BOP1: variants seen among roughly 807,000 people sequenced by gnomAD.
The protein encoded by BOP1 is ribosome biogenesis protein BOP1.
A neutral mutation model predicts 82.9 loss-of-function variants in BOP1; 54 were observed. That is an observed-to-expected ratio of 0.65 (90% CI 0.52 to 0.82). The LOEUF (loss-of-function observed/expected upper bound fraction) is 0.82. BOP1 is among the 40% of genes least tolerant of loss of function. BOP1 has a pLI of 0.00. For synonymous variants in BOP1, 566 were observed against 451.1 expected (o/e 1.25, Z -3.23); for missense variants, 1,170 against 1,072.0 (o/e 1.09, Z -1.28).
At chr8:144,283,697 A>C (rs1034809521) in intron 2 of BOP1, among the ~76,000 whole-genome samples, 3 of 152,230 alleles carry the variant, frequency 2.0e-5, no homozygotes, top group Admixed American at 2.0e-4. Flanking sequence ...ACATCACTAA[A>C]CAAGAGGAAA....
In BOP1 at chr8:144,262,388, G is replaced by A; in HGVS notation, c.2087+8C>T. 2 of 1,612,630 alleles carry A rather than the reference G, an allele frequency of 1.2e-6. No homozygotes were observed. The highest frequency in any genetic ancestry group is 1.7e-6 in the Non-Finnish European group (2 of 1,179,776). ...CTGGGGAGGGGGCCAGGCAGGGTCAGCACTCACTTGTACACCATGCCATGG... is the reference window on the plus strand; with the variant it reads ...CTGGGGAGGGGGCCAGGCAGGGTCAACACTCACTTGTACACCATGCCATGG... On this transcript the variant is annotated splice_region_variant and intron_variant, in intron 15 of 15. Coordinates refer to ENST00000569669, the MANE Select transcript of BOP1 (RefSeq NM_015201.5).
chr8:144,283,223 A>AAAAAAAAAAAAAAG (rs1814767939), intron 2 of BOP1, among the ~76,000 whole-genome samples: 1 of 147,694 alleles, frequency 6.8e-6, no homozygotes, highest in African/African-American at 2.5e-5. Flanking sequence ...AAAAAAAAAA[A>AAAAAAAAAAAAAAG]AAGAAAGGCT....
At chr8:144,279,964 C>T (rs996509945) in intron 2 of BOP1, among the ~76,000 whole-genome samples, 2 of 152,296 alleles carry the variant, frequency 1.3e-5, no homozygotes, top group African/African-American at 2.4e-5. Flanking sequence ...AGCTGAGTGT[C>T]GATCTTCCTC....
chr8:144,264,205 C>T lies in BOP1; in HGVS notation c.978+20G>A. On this transcript the variant is annotated intron_variant, in intron 7 of 15. Transcript: ENST00000569669. ...GGGAAGCATGGGGACAGGGTCCCGG[C>T]CCCCAGGATGCAGGCCCACCTCCTC... The T allele has an allele frequency of 6.2e-7, 1 of 1,606,858 alleles. No individual in the cohort carries two copies. Among genetic ancestry groups the T allele is most frequent in the Non-Finnish European group, 8.5e-7 (1 of 1,177,670 alleles).
intron 2 of BOP1, among the ~76,000 whole-genome samples, chr8:144,279,904 C>T (rs1053044230): frequency 1.3e-5 from 2 of 152,016 alleles, no homozygotes; most frequent in African/African-American, 2.4e-5. Flanking sequence ...ACAAGAGGCC[C>T]GGCTGTGCTC....
In BOP1 at chr8:144,264,536, G is replaced by A. The variant is rs1417799240; in HGVS notation, c.744C>T (p.Pro248=). The A allele has an allele frequency of 1.2e-6, 2 of 1,610,454 alleles. No individual in the cohort carries two copies. Among genetic ancestry groups the A allele is most frequent in the Non-Finnish European group, 1.7e-6 (2 of 1,179,166 alleles). ...CCACCTTCTCCTTCTCCACCAGGGA[G>A]GGGATGAAGCTGCGCTTGTCGGCCG... ...NRPADKRSFI[P]SLVEKEKVSR... is the part of the protein sequence containing the mutation. Residue 248 remains proline, a synonymous_variant, in exon 6 of 16, where the codon CCC becomes CCT. Transcript: ENST00000569669.
intron 3 of BOP1, among the ~76,000 whole-genome samples, chr8:144,271,891 C>G (rs1845498194): frequency 6.6e-6 from 1 of 152,168 alleles, no homozygotes; most frequent in Non-Finnish European, 1.5e-5. Flanking sequence ...ACCTCCACCA[C>G]TGGAGAGAAG....
At chr8:144,266,468 T>C in intron 3 of BOP1, 5 of 979,702 alleles carry the variant, frequency 5.1e-6, no homozygotes, top group Non-Finnish European at 6.1e-6. Context: ...GGGACGCACA[T>C]GTGCGCGCGA....
intron 3 of BOP1, chr8:144,268,118 CAGAA>C (rs1845421923): frequency 3.2e-6 from 5 of 1,551,486 alleles, no homozygotes; most frequent in East Asian, 2.4e-5. Flanking sequence ...AGGACCGCGA[CAGAA>C]AGACAGCGAT....
chr8:144,275,575 C>G (rs1554838229), intron 3 of BOP1, among the ~76,000 whole-genome samples: 22 of 152,282 alleles, frequency 1.4e-4, no homozygotes, highest in African/African-American at 4.1e-4. Flanking sequence ...TCCCCCTTCG[C>G]CTGCAAGCTC....
Position 144,262,591 on chromosome 8 carries a change from A to C in BOP1, c.1976T>G (p.Leu659Arg), listed in dbSNP as rs1360542857. 1.9e-6 allele frequency: 3 copies of C among 1,613,222 alleles called. No homozygotes were observed. The highest frequency in any genetic ancestry group is 3.3e-4 in the Middle Eastern group (2 of 6,078). The change falls in exon 14 of 16, where the codon CTG becomes CGG. Residue 659 changes from leucine to arginine, a missense_variant. Coordinates refer to ENST00000569669, the MANE Select transcript of BOP1 (RefSeq NM_015201.5). ...CTCCACCCCCAGCTTTCCTCACCTCAGCATCCTGTATGGCTTGGTGGAAAG... is the reference window on the plus strand; with the variant it reads ...CTCCACCCCCAGCTTTCCTCACCTCCGCATCCTGTATGGCTTGGTGGAAAG... ...LDLSTKPYRM[L>R]RHHKKALRAV...
Position 144,263,300 on chromosome 8 carries a change from G to C in BOP1, c.1526C>G (p.Pro509Arg). ...LSAFVPPEEP[P>R]LQPARWLEAS... ...CTCCAGCCAGCGGGCCGGCTGCAAGGGGGGCTCCTCAGGCGGGACGAAGGC... is the reference window on the plus strand; with the variant it reads ...CTCCAGCCAGCGGGCCGGCTGCAAGCGGGGCTCCTCAGGCGGGACGAAGGC... Residue 509 changes from proline (P) to arginine (R), a missense_variant, in exon 12 of 16, where the codon CCC (proline) becomes CGC (arginine). By Grantham distance (103) the Pro-to-Arg change is moderately radical. Transcript: ENST00000569669. The C allele has an allele frequency of 2.5e-6, 4 of 1,594,292 alleles. No individual in the cohort carries two copies. In the Admixed American group the frequency reaches 5.0e-5, roughly 20 times the overall value.
intron 13 of BOP1, 44 bp downstream of exon 13, chr8:144,262,803 GCCCCCC>G (rs782463241): frequency 4.7e-6 from 2 of 424,956 alleles, no homozygotes; most frequent in Non-Finnish European, 3.8e-6. Flanking sequence ...AGGGTACACC[GCCCCCC>G]CCCCCACCCC....
chr8:144,275,259 G>C (rs1845551153), intron 3 of BOP1, among the ~76,000 whole-genome samples: 1 of 152,142 alleles, frequency 6.6e-6, no homozygotes, highest in African/African-American at 2.4e-5. Context: ...TCACACCCAG[G>C]TGCTCCACTG....
At position 144,264,803 on chromosome 8, in the gene BOP1, G is replaced by T; in HGVS notation, c.574C>A (p.Arg192=). ...WRTVQDPMTG[R]DLRLTDEQVA... is the part of the protein sequence containing the mutation. ...TGCTCATCCGTCAGTCTCAGGTCCC[G>T]CCCTGTCATCGGGTCCTGCACGGTG... The change falls in exon 5 of 16, where the codon CGG becomes AGG. Residue 192 remains arginine, a synonymous_variant. Transcript: ENST00000569669. 1 of 1,609,376 alleles carries T rather than the reference G, an allele frequency of 6.2e-7. No individual in the cohort carries two copies. The highest frequency in any genetic ancestry group is 8.5e-7 in the Non-Finnish European group (1 of 1,179,092).
chr8:144,264,319 C>T lies in BOP1; in HGVS notation c.884G>A (p.Arg295His), dbSNP rs950550015. Residue 295 changes from arginine to histidine, a missense_variant, in exon 7 of 16, where the codon CGC becomes CAC. By Grantham distance (29) the Arg-to-His change is conservative. Coordinates refer to ENST00000569669, the MANE Select transcript of BOP1 (RefSeq NM_015201.5). ...GGGAGCAGGTACGTGCATCTTGTGG[C>T]GCCCGAGCACGGCGTTGGGGTCCTC... ...AQEDPNAVLG[R>H]HKMHVPAPKL... The T allele has an allele frequency of 5.6e-5, 90 of 1,609,790 alleles. No individual in the cohort carries two copies. The highest frequency in any genetic ancestry group is 4.1e-4 in the South Asian group (37 of 90,942).
chr8:144,270,715 C>T (rs971315705), intron 3 of BOP1, among the ~76,000 whole-genome samples: 6 of 152,162 alleles, frequency 3.9e-5, no homozygotes, highest in Non-Finnish European at 7.4e-5. Flanking sequence ...TCACAGCCGC[C>T]GGGCAGACGA....
chr8:144,265,224 C>T, intron 3 of BOP1, 153 bp from the exon 4 acceptor site: 1 of 883,820 alleles, frequency 1.1e-6, no homozygotes, highest in South Asian at 1.7e-5. Flanking sequence ...GCCTGTTCCC[C>T]AGCCCTGGGG....
chr8:144,272,809 C>T (rs1032641492), intron 3 of BOP1, among the ~76,000 whole-genome samples: 3 of 152,174 alleles, frequency 2.0e-5, no homozygotes, highest in Admixed American at 2.0e-4. Flanking sequence ...TCTCCCAAAC[C>T]GGACAACTGA....
Sources: gnomAD v4.1 joint callset for allele counts (sites outside exome capture counted in the v4.1 genomes callset) on GRCh38, gnomAD v4.1.1 for gene constraint, MANE v1.5 for transcripts, NCBI Gene and HGNC (gene_info 2026-07-23, HGNC 2026-07-21) for gene names.